The following NAV3 variants were observed in gnomAD, a reference collection of about 807,000 sequenced individuals.
The protein encoded by NAV3 is pore membrane and/or filament interacting like protein 1.
A neutral mutation model predicts 244.7 loss-of-function variants in NAV3; 87 were observed. That is an observed-to-expected ratio of 0.36 (90% confidence interval 0.30 to 0.42). NAV3 has a LOEUF of 0.42. Among genes scored for constraint, NAV3 ranks in the 20% least tolerant of loss-of-function variants. The probability of loss-of-function intolerance (pLI) is 1.00; values close to 1 mark genes in which losing one functional copy is unlikely to be tolerated. For synonymous variants in NAV3, 1,126 were observed against 1,042.2 expected (o/e 1.08, Z -1.55); for missense variants, 2,663 against 2,893.3 (o/e 0.92, Z 1.83).
Position 77,770,996 on chromosome 12 carries a change from A to G in NAV3, c.73-169323A>G, listed in dbSNP as rs1233047593. 1.3e-4 allele frequency among the ~76,000 whole-genome samples: 20 copies of G among 152,272 alleles called. No individual in the cohort carries two copies. In the South Asian group the frequency reaches 4.2e-3, roughly 32 times the overall value. ...CAGGCAACCTACAAAATGGGAGAAAATTTTCACAACCTGCTCATCTGACAA... is the reference window on the plus strand; with the variant it reads ...CAGGCAACCTACAAAATGGGAGAAAGTTTTCACAACCTGCTCATCTGACAA... On this transcript the variant is annotated intron_variant, in intron 2 of 8. Coordinates refer to the NAV3 transcript ENST00000550042.
chr12:78,210,314 C>T lies in NAV3; in HGVS notation c.7039-84C>T, dbSNP rs918283937. On this transcript the variant is annotated intron_variant, in intron 39 of 39. Coordinates refer to ENST00000397909, the MANE Select transcript of NAV3 (RefSeq NM_001024383.2). ...ACTTGGATGGGATAAGATAGCTCTT[C>T]GGTGTGGCTCAGGGCCTTGTTTTTT... 2.0e-5 allele frequency: 31 copies of T among 1,574,176 alleles called. No homozygotes were observed. In the African/African-American group the frequency reaches 2.5e-4, roughly 13 times the overall value.
intron 9 of NAV3, among the ~76,000 whole-genome samples, chr12:78,029,500 A>T (rs1230129797): frequency 6.6e-6 from 1 of 152,180 alleles, no homozygotes; most frequent in Non-Finnish European, 1.5e-5. Flanking sequence ...TAAGACAAAA[A>T]CTGTTGTTAA....
intron 9 of NAV3, chr12:78,037,436 A>G (rs887657037): frequency 1.6e-6 from 1 of 642,656 alleles, no homozygotes; most frequent in African/African-American, 1.8e-5. Context: ...AAGAAATTTC[A>G]TAGTCTCTTA....
At chr12:78,195,780 T>A (rs1310011405) in intron 34 of NAV3, among the ~76,000 whole-genome samples, 1 of 152,006 alleles carries the variant, frequency 6.6e-6, no homozygotes, top group African/African-American at 2.4e-5. Context: ...GCTAAATCTC[T>A]TCCCTTGACT....
intron 2 of NAV3, among the ~76,000 whole-genome samples, chr12:77,625,200 A>G (rs1592515728): frequency 6.6e-6 from 1 of 152,202 alleles, no homozygotes; most frequent in African/African-American, 2.4e-5. Flanking sequence ...GAGGTTCAGT[A>G]TCTCTACATA....
chr12:78,150,675 ACACACATACG>A (rs1380125165), intron 22 of NAV3, among the ~76,000 whole-genome samples: 2,139 of 151,454 alleles, frequency 0.014, 46 homozygotes, highest in African/African-American at 0.048. Context: ...ACACACATAC[ACACACATACG>A]GAACCAAATT....
In NAV3 at chr12:77,615,879, C is replaced by T. The variant is rs971649316; in HGVS notation, c.72+43613C>T. Reference sequence around the variant, plus strand: ...CTGTGGCATTTCATTTCAACATCATCTCTTCCCTTGTTTAAATGAGTTATC... The same window carrying T: ...CTGTGGCATTTCATTTCAACATCATTTCTTCCCTTGTTTAAATGAGTTATC... On this transcript the variant is annotated intron_variant, in intron 2 of 8. Transcript: ENST00000550042. Among the ~76,000 whole-genome samples the T allele has an allele frequency of 2.0e-5, 3 of 152,156 alleles. 1 individual carries two copies. Among genetic ancestry groups the T allele is most frequent in the Admixed American group, 2.0e-4 (3 of 15,274 alleles).
intron 2 of NAV3, among the ~76,000 whole-genome samples, chr12:77,591,752 A>G (rs1363102432): frequency 1.3e-5 from 2 of 152,196 alleles, no homozygotes; most frequent in African/African-American, 2.4e-5. Context: ...TTATATTAAG[A>G]TTGAATTTAT....
chr12:77,988,032 G>A (rs1472111747), intron 5 of NAV3, among the ~76,000 whole-genome samples: 1 of 152,176 alleles, frequency 6.6e-6, no homozygotes, highest in Non-Finnish European at 1.5e-5. Context: ...GACATCTAAA[G>A]AGGCATGGCT....
chr12:77,859,618 T>TAA (rs1555217231), intron 1 of NAV3, among the ~76,000 whole-genome samples: 3 of 136,518 alleles, frequency 2.2e-5, no homozygotes. Flanking sequence ...TAAAGTGTAA[T>TAA]AAAAAAAAAA....
At chr12:77,573,342 T>C (rs1183705999) in intron 2 of NAV3, among the ~76,000 whole-genome samples, 1 of 152,194 alleles carries the variant, frequency 6.6e-6, no homozygotes, top group Non-Finnish European at 1.5e-5. Flanking sequence ...GGCATGGGGC[T>C]ACAGTAATCC....
chr12:77,686,060 T>A (rs2246884), intron 2 of NAV3, among the ~76,000 whole-genome samples: 1 of 151,916 alleles, frequency 6.6e-6, no homozygotes, highest in Non-Finnish European at 1.5e-5. Context: ...ATTCCTCCTC[T>A]CCCATCATGC....
chr12:77,602,527 A>C (rs1003495979), intron 2 of NAV3, among the ~76,000 whole-genome samples: 1 of 151,978 alleles, frequency 6.6e-6, no homozygotes, highest in African/African-American at 2.4e-5. Flanking sequence ...CCAATGAACT[A>C]AAGAGGGGAT....
chr12:78,031,154 C>A (rs1437364484), intron 9 of NAV3, among the ~76,000 whole-genome samples: 1 of 152,094 alleles, frequency 6.6e-6, no homozygotes, highest in Non-Finnish European at 1.5e-5. Context: ...GTCTATATAA[C>A]ATTCAGAGTC....
intron 1 of NAV3, among the ~76,000 whole-genome samples, chr12:77,865,865 C>T (rs986871456): frequency 5.3e-5 from 8 of 151,674 alleles, no homozygotes; most frequent in Admixed American, 4.6e-4. Flanking sequence ...TTGCCATTTC[C>T]TGTTTTTCCT....
intron 1 of NAV3, among the ~76,000 whole-genome samples, chr12:77,861,463 T>C (rs996458427): frequency 6.6e-6 from 1 of 151,894 alleles, no homozygotes; most frequent in Non-Finnish European, 1.5e-5. Flanking sequence ...TATACATCTC[T>C]CTTAAGAGCA....
intron 23 of NAV3, among the ~76,000 whole-genome samples, chr12:78,162,891 A>AAT (rs1187448947): frequency 3.9e-5 from 5 of 127,764 alleles, no homozygotes; most frequent in South Asian, 2.3e-4. Context: ...TAATATATAT[A>AAT]ATATATATAT....
chr12:77,728,088 C>T (rs1876960491), intron 2 of NAV3, among the ~76,000 whole-genome samples: 1 of 151,786 alleles, frequency 6.6e-6, no homozygotes, highest in Non-Finnish European at 1.5e-5. Context: ...CTGCAAATGG[C>T]TACGATTCCA....
chr12:78,167,741 A>T (rs74908752), intron 23 of NAV3, among the ~76,000 whole-genome samples: 2,104 of 151,756 alleles, frequency 0.014, 25 homozygotes, highest in South Asian at 0.048. Flanking sequence ...TACATTACCA[A>T]GGAATTCTCC....
Sources: allele counts gnomAD v4.1 joint callset (sites outside exome capture counted in the v4.1 genomes callset), GRCh38; gene constraint gnomAD v4.1.1; transcripts MANE v1.5; gene names NCBI Gene and HGNC (gene_info 2026-07-23, HGNC 2026-07-21).